ERC1: variants seen among roughly 807,000 people sequenced by gnomAD.
ERC1 encodes the protein RAB6 interacting protein 2.
ERC1 carries 56 observed loss-of-function variants against 132.0 expected under a neutral mutation model. That is an observed-to-expected ratio of 0.42 (90% CI 0.34 to 0.53). The LOEUF (loss-of-function observed/expected upper bound fraction) is 0.53, where lower values mean the gene tolerates loss of function less well. ERC1 is among the 20% of genes least tolerant of loss of function. The probability of loss-of-function intolerance (pLI) is 0.03; values close to 1 mark genes in which losing one functional copy is unlikely to be tolerated. For synonymous variants in ERC1, 478 were observed against 476.1 expected (o/e 1.00, Z -0.05); for missense variants, 1,202 against 1,349.9 (o/e 0.89, Z 1.72).
intron 15 of ERC1, among the ~76,000 whole-genome samples, chr12:1,363,712 G>T (rs59800521): frequency 0.12 from 17,627 of 151,852 alleles, 2,529 homozygotes; most frequent in African/African-American, 0.34. Flanking sequence ...GCACCACCAG[G>T]CCCAGCTAGT....
chr12:1,402,022 C>T (rs1234481505), intron 16 of ERC1, among the ~76,000 whole-genome samples: 1 of 151,952 alleles, frequency 6.6e-6, no homozygotes, highest in African/African-American at 2.4e-5. Context: ...AGGGGAAATT[C>T]AGAAGGACCA....
At chr12:1,483,874 A>G (rs1592332317) in intron 18 of ERC1, among the ~76,000 whole-genome samples, 2 of 151,862 alleles carry the variant, frequency 1.3e-5, no homozygotes, top group East Asian at 3.9e-4. Flanking sequence ...TTGTATGTTT[A>G]GTAGAGACGG....
At chr12:1,304,931 A>T (rs2080753792) in intron 15 of ERC1, among the ~76,000 whole-genome samples, 1 of 150,348 alleles carries the variant, frequency 6.7e-6, no homozygotes, top group Non-Finnish European at 1.5e-5. Flanking sequence ...CTGGGACTAC[A>T]GGCGCCCGCC....
chr12:1,061,913 TA>T (rs140677819), intron 2 of ERC1, among the ~76,000 whole-genome samples: 89 of 152,144 alleles, frequency 5.8e-4, no homozygotes, highest in African/African-American at 2.0e-3. Context: ...TTTATTGCTG[TA>T]AACCCCCCTC....
chr12:1,386,534 G>C (rs2089372901), intron 16 of ERC1: 1 of 151,110 alleles, frequency 6.6e-6, no homozygotes, highest in Non-Finnish European at 1.5e-5. Flanking sequence ...TGTAATCCCA[G>C]CTACTCCAGA....
At chr12:1,119,990 T>A (rs1946898906) in intron 7 of ERC1, among the ~76,000 whole-genome samples, 3 of 152,082 alleles carry the variant, frequency 2.0e-5, no homozygotes. Context: ...TTTTATTAAT[T>A]TATTATTTTT....
intron 8 of ERC1, chr12:1,151,786 CAAGTAGCCACCAAGT>C (rs1950858998): frequency 6.6e-6 from 1 of 152,208 alleles, no homozygotes; most frequent in East Asian, 1.9e-4. Flanking sequence ...TAAAGATAAC[CAAGTAGCCACCAAGT>C]AAGACTAGGA....
chr12:1,240,109 T>TAGAC (rs1477034560), intron 13 of ERC1, among the ~76,000 whole-genome samples: 1 of 152,186 alleles, frequency 6.6e-6, no homozygotes, highest in Non-Finnish European at 1.5e-5. Context: ...TGGCCTAGGA[T>TAGAC]AGACAGTTTG....
intron 12 of ERC1, among the ~76,000 whole-genome samples, chr12:1,210,189 A>AAC (rs1233459833): frequency 6.6e-6 from 1 of 152,182 alleles, no homozygotes; most frequent in African/African-American, 2.4e-5. Context: ...CTTTCACAGA[A>AAC]ACCTTCCTTC....
At chr12:1,310,975 T>C (rs1212672541) in intron 15 of ERC1, among the ~76,000 whole-genome samples, 2 of 152,228 alleles carry the variant, frequency 1.3e-5, no homozygotes, top group Non-Finnish European at 1.5e-5. Context: ...CTGAACTGAG[T>C]GTGTTCACCT....
chr12:1,269,870 C>T (rs2077711344), intron 14 of ERC1, among the ~76,000 whole-genome samples: 1 of 152,330 alleles, frequency 6.6e-6, no homozygotes, highest in South Asian at 2.1e-4. Flanking sequence ...TCTCCTGACT[C>T]TTACTATCCT....
At chr12:1,045,603 T>C (rs983867875) in intron 2 of ERC1, among the ~76,000 whole-genome samples, 2 of 151,606 alleles carry the variant, frequency 1.3e-5, no homozygotes, top group South Asian at 2.1e-4. Context: ...GGTGAGGAAA[T>C]TGAAAATTAA....
chr12:1,492,907 A>G lies in ERC1; in HGVS notation c.*2677A>G, dbSNP rs770460932. The G allele has an allele frequency of 1.7e-5, 4 of 228,600 alleles. No individual in the cohort carries two copies. The highest frequency in any genetic ancestry group is 2.6e-5 in the Non-Finnish European group (3 of 115,240). The allele number at this position is 228,600 out of a possible 1,614,324, so 14.2% of individuals were successfully genotyped here. On this transcript the variant is annotated 3_prime_UTR_variant, in exon 19 of 19. Transcript: ENST00000360905. The stretch of plus-strand genomic sequence containing the variant: ...CCTCTCCTAGTGGTCATGGTTTCAT[A>G]TGGGCATACAACTGCTACTGAAGTT...
intron 1 of ERC1, among the ~76,000 whole-genome samples, chr12:995,240 G>C (rs961919442): frequency 1.3e-5 from 2 of 152,144 alleles, no homozygotes; most frequent in African/African-American, 4.8e-5. Context: ...CTGGGCGACA[G>C]AGTGAGGGAA....
intron 15 of ERC1, among the ~76,000 whole-genome samples, chr12:1,304,164 CAT>C (rs527659777): frequency 4.7e-4 from 71 of 152,016 alleles, no homozygotes; most frequent in Non-Finnish European, 7.5e-4. Context: ...GGTGAAAAAA[CAT>C]AGTCTATAAA....
At chr12:1,187,825 T>G (rs1355334127) in intron 11 of ERC1, among the ~76,000 whole-genome samples, 1 of 152,198 alleles carries the variant, frequency 6.6e-6, no homozygotes, top group African/African-American at 2.4e-5. Flanking sequence ...TCCCTTGACT[T>G]ATATAATTTA....
intron 13 of ERC1, among the ~76,000 whole-genome samples, chr12:1,262,148 A>G (rs10161109): frequency 0.016 from 2,465 of 152,330 alleles, 67 homozygotes; most frequent in African/African-American, 0.056. Context: ...TGTTTTATGT[A>G]TTTTTAAAAG....
intron 11 of ERC1, among the ~76,000 whole-genome samples, chr12:1,186,148 G>A (rs1955067588): frequency 6.6e-6 from 1 of 152,138 alleles, no homozygotes; most frequent in Admixed American, 6.5e-5. Flanking sequence ...TTGAATCAGA[G>A]CTTTCCTAAG....
chr12:1,236,867 G>A lies in ERC1; in HGVS notation c.2450G>A (p.Arg817Gln), dbSNP rs767843629. Residue 817 changes from arginine (R) to glutamine (Q), a missense_variant, in exon 13 of 19, where the codon CGG (arginine) becomes CAG (glutamine). Arg to Gln is a conservative substitution (Grantham distance 43). Transcript: ENST00000360905. ...SAQMLEEARR[R>Q]EDNLNDSSQQ... is the part of the protein sequence containing the mutation. ...CAAATGTTAGAGGAGGCGCGACGAC[G>A]GGAGGACAATCTCAACGACAGCTCT... The A allele has an allele frequency of 1.2e-5, 19 of 1,614,008 alleles. No homozygotes were observed. In the East Asian group the frequency reaches 1.3e-4, roughly 11 times the overall value.
Sources: allele counts gnomAD v4.1 joint callset (sites outside exome capture counted in the v4.1 genomes callset), GRCh38; gene constraint gnomAD v4.1.1; transcripts MANE v1.5; gene names NCBI Gene and HGNC (gene_info 2026-07-23, HGNC 2026-07-21).